EXT1: variants seen among roughly 807,000 people sequenced by gnomAD.
The protein encoded by EXT1 is exostosin glycosyltransferase 1, also known as exostosin-1.
A neutral mutation model predicts 82.5 loss-of-function variants in EXT1; 20 were observed. That is an observed-to-expected ratio of 0.24 (90% CI 0.17 to 0.35). EXT1 has a LOEUF of 0.35. EXT1 is among the 10% of genes least tolerant of loss of function. The probability of loss-of-function intolerance (pLI) is 1.00; values close to 1 mark genes in which losing one functional copy is unlikely to be tolerated. For synonymous variants in EXT1, 348 were observed against 350.8 expected, an observed-to-expected ratio of 0.99 and a Z score of 0.09; for missense variants, 757 against 936.5, an observed-to-expected ratio of 0.81 and a Z score of 2.50.
chr8:117,856,871 A>G (rs934508367), intron 1 of EXT1, among the ~76,000 whole-genome samples: 2 of 152,194 alleles, frequency 1.3e-5, no homozygotes, highest in African/African-American at 4.8e-5. Context: ...AAAGGTTTGG[A>G]AGGACAGGCT....
At chr8:118,101,951 G>GAA (rs757754252) in intron 1 of EXT1, among the ~76,000 whole-genome samples, 6 of 134,794 alleles carry the variant, frequency 4.5e-5, no homozygotes, top group Admixed American at 7.4e-5. Context: ...TTCTAATGAG[G>GAA]AAAAAAAAAA....
intron 1 of EXT1, among the ~76,000 whole-genome samples, chr8:117,847,521 T>C (rs2129819681): frequency 6.6e-6 from 1 of 152,340 alleles, no homozygotes; most frequent in African/African-American, 2.4e-5. Context: ...GTTAAATGCA[T>C]GCACAGTGCG....
chr8:118,037,994 C>G (rs1249710543), intron 1 of EXT1, among the ~76,000 whole-genome samples: 2 of 152,026 alleles, frequency 1.3e-5, no homozygotes, highest in African/African-American at 4.8e-5. Context: ...GCATGCGCCA[C>G]CATGCCCAGC....
chr8:117,934,283 T>C (rs1039311886), intron 1 of EXT1, among the ~76,000 whole-genome samples: 2 of 152,144 alleles, frequency 1.3e-5, no homozygotes, highest in African/African-American at 4.8e-5. Flanking sequence ...TGTTTCTTGC[T>C]TTCAGGAACA....
At chr8:118,094,886 G>A (rs1817582207) in intron 1 of EXT1, among the ~76,000 whole-genome samples, 1 of 152,176 alleles carries the variant, frequency 6.6e-6, no homozygotes, top group African/African-American at 2.4e-5. Context: ...CTACACAAGA[G>A]TTAAACTAGA....
At chr8:118,103,543 GAATATTCCCATAGGCCTTTCATTTCT>G (rs1396652497) in intron 1 of EXT1, among the ~76,000 whole-genome samples, 1 of 152,136 alleles carries the variant, frequency 6.6e-6, no homozygotes, top group Non-Finnish European at 1.5e-5. Flanking sequence ...TCCAGAAACA[GAATATTCCCATAGGCCTTTCATTTCT>G]ATTCTATTGG....
intron 8 of EXT1, among the ~76,000 whole-genome samples, chr8:117,810,091 C>A (rs996300485): frequency 1.3e-5 from 2 of 152,192 alleles, no homozygotes; most frequent in Non-Finnish European, 2.9e-5. Context: ...TCAAAGAAGG[C>A]AAAGGTCAGT....
In EXT1 at chr8:118,083,371, C is replaced by A. The variant is rs1042604220; in HGVS notation, c.962+26714G>T. On this transcript the variant is annotated intron_variant, in intron 1 of 10. Transcript: ENST00000378204. ...AATACTCTCCATCGAGTCCCCATTG[C>A]TCCTATTATATCTGTTATGAATATA... Among the ~76,000 whole-genome samples, 5 of 152,164 alleles carry A rather than the reference C, an allele frequency of 3.3e-5. No homozygotes were observed. The East Asian group carries it at 9.6e-4, about 29-fold the overall frequency.
chr8:117,956,473 A>G (rs1814588425), intron 1 of EXT1, among the ~76,000 whole-genome samples: 1 of 152,122 alleles, frequency 6.6e-6, no homozygotes, highest in Non-Finnish European at 1.5e-5. Context: ...TTTTTGAGAC[A>G]GTCTCACTCT....
intron 1 of EXT1, among the ~76,000 whole-genome samples, chr8:118,041,661 A>AAAGAAG (rs1563637769): frequency 9.0e-6 from 1 of 111,202 alleles, no homozygotes; most frequent in Admixed American, 9.9e-5. Context: ...AGAAAGAGAG[A>AAAGAAG]GAAAGAAGGA....
intron 1 of EXT1, among the ~76,000 whole-genome samples, chr8:118,073,791 G>T (rs1162386597): frequency 6.6e-6 from 1 of 152,204 alleles, no homozygotes; most frequent in Admixed American, 6.5e-5. Flanking sequence ...GAATGACTGT[G>T]TATCATATTA....
intron 1 of EXT1, among the ~76,000 whole-genome samples, chr8:117,947,982 T>C (rs1266413121): frequency 6.6e-6 from 1 of 152,022 alleles, no homozygotes; most frequent in Non-Finnish European, 1.5e-5. Flanking sequence ...TATTTGGAGG[T>C]GATTTTTCTG....
chr8:118,080,411 G>A (rs908753870), intron 1 of EXT1, among the ~76,000 whole-genome samples: 1 of 151,348 alleles, frequency 6.6e-6, no homozygotes, highest in Non-Finnish European at 1.5e-5. Flanking sequence ...GATGAATTAA[G>A]TAAATAACTG....
At chr8:117,952,217 G>A (rs1346390731) in intron 1 of EXT1, among the ~76,000 whole-genome samples, 1 of 152,106 alleles carries the variant, frequency 6.6e-6, no homozygotes, top group Non-Finnish European at 1.5e-5. Flanking sequence ...ACCACATTCT[G>A]TCTTTATTAA....
intron 7 of EXT1, among the ~76,000 whole-genome samples, chr8:117,815,148 A>T: frequency 6.6e-6 from 1 of 152,216 alleles, no homozygotes; most frequent in Non-Finnish European, 1.5e-5. Context: ...TACTGTTTAC[A>T]TGTCCACTGA....
intron 1 of EXT1, among the ~76,000 whole-genome samples, chr8:117,856,601 G>A (rs1225396832): frequency 1.3e-5 from 2 of 151,658 alleles, no homozygotes; most frequent in East Asian, 3.9e-4. Context: ...AGAGAGAAAT[G>A]TGGAAGCTAC....
intron 1 of EXT1, among the ~76,000 whole-genome samples, chr8:117,844,740 A>G (rs1437496280): frequency 6.6e-6 from 1 of 152,134 alleles, no homozygotes; most frequent in Admixed American, 6.5e-5. Flanking sequence ...ATGAGCTGCT[A>G]TAGTACAAAT....
chr8:117,914,540 A>T (rs1813710849), intron 1 of EXT1, among the ~76,000 whole-genome samples: 1 of 152,194 alleles, frequency 6.6e-6, no homozygotes, highest in East Asian at 1.9e-4. Context: ...CGAGTAGGAA[A>T]GATATCACTG....
At chr8:118,035,344 T>C (rs888154970) in intron 1 of EXT1, among the ~76,000 whole-genome samples, 2 of 152,186 alleles carry the variant, frequency 1.3e-5, no homozygotes, top group African/African-American at 2.4e-5. Flanking sequence ...CGGAAGCCAC[T>C]GTGCTTTCCA....
Sources: gnomAD v4.1 joint callset for allele counts (sites outside exome capture counted in the v4.1 genomes callset) on GRCh38, gnomAD v4.1.1 for gene constraint, MANE v1.5 for transcripts, NCBI Gene and HGNC (gene_info 2026-07-23, HGNC 2026-07-21) for gene names.